SIL1: variants seen among roughly 807,000 people sequenced by gnomAD.
SIL1 encodes the protein SIL1 nucleotide exchange factor, also known as nucleotide exchange factor SIL1.
A neutral mutation model predicts 49.1 loss-of-function variants in SIL1; 40 were observed. The observed-to-expected ratio is 0.81, with a 90% confidence interval of 0.63 to 1.06. SIL1 has a LOEUF of 1.06. Ranked by LOEUF, SIL1 falls within the 50% of genes least tolerant of loss-of-function variation. The pLI, the probability that SIL1 is intolerant of heterozygous loss-of-function variation, is 0.00. For missense variants in SIL1, 500 were observed against 572.6 expected (o/e 0.87, Z 1.29); for synonymous variants, 253 against 250.8 (o/e 1.01, Z -0.08).
At chr5:139,096,288 T>C (rs1770464905) in intron 3 of SIL1, among the ~76,000 whole-genome samples, 1 of 152,190 alleles carries the variant, frequency 6.6e-6, no homozygotes, top group South Asian at 2.1e-4. Flanking sequence ...AGTTTAAACC[T>C]GAGTTCCCAC....
rs1451727500 is a variant in SIL1 at position 139,143,344 on chromosome 5, C to CACATAT, written c.-10-15492_-10-15491insATATGT. 1.1e-4 allele frequency among the ~76,000 whole-genome samples: 11 copies of CACATAT among 97,506 alleles called. 1 individual carries two copies. The highest frequency in any genetic ancestry group is 4.4e-4 in the African/African-American group (8 of 18,330). 64.0% of individuals were successfully genotyped at this position (97,506 alleles called of 152,430 possible). A position where few individuals can be genotyped will look rare whatever the true frequency, so the allele number is the denominator to read the frequency against. ...ACACACACACACACACACACACACA[C>CACATAT]ATATATATATATATATATATATGGT... On this transcript the variant is annotated intron_variant, in intron 1 of 9. Transcript: ENST00000394817.
intron 7 of SIL1, among the ~76,000 whole-genome samples, chr5:138,954,606 G>A (rs1241105390): frequency 1.3e-5 from 2 of 152,248 alleles, no homozygotes; most frequent in Non-Finnish European, 2.9e-5. Flanking sequence ...CATCCAGGCA[G>A]GGCCAGTAGA....
chr5:139,113,330 T>A (rs371253763), intron 3 of SIL1, among the ~76,000 whole-genome samples: 3,630 of 112,158 alleles, frequency 0.032, 108 homozygotes, highest in African/African-American at 0.11. Flanking sequence ...TAAATAAATT[T>A]AAAAAAAAAA....
At chr5:139,060,579 A>G (rs1226702076) in intron 3 of SIL1, among the ~76,000 whole-genome samples, 1 of 151,292 alleles carries the variant, frequency 6.6e-6, no homozygotes, top group African/African-American at 2.4e-5. Context: ...CCTAGAAACC[A>G]CCTCTCCATT....
chr5:139,054,572 A>G (rs964291657), intron 3 of SIL1, among the ~76,000 whole-genome samples: 1 of 152,186 alleles, frequency 6.6e-6, no homozygotes, highest in African/African-American at 2.4e-5. Flanking sequence ...TTTAGTAATA[A>G]TGGTACTAAT....
At chr5:139,111,799 A>G (rs962716406) in intron 3 of SIL1, among the ~76,000 whole-genome samples, 5 of 152,022 alleles carry the variant, frequency 3.3e-5, no homozygotes, top group Admixed American at 3.3e-4. Flanking sequence ...TCTATGACAG[A>G]CTAATCTGTT....
rs544742386 is a variant in SIL1 at position 139,169,880 on chromosome 5, C to G, written c.-11+28389G>C. 3.2e-3 allele frequency among the ~76,000 whole-genome samples: 493 copies of G among 152,172 alleles called. 2 individuals are homozygous for G. Among genetic ancestry groups the G allele is most frequent in the African/African-American group, 0.011 (464 of 41,494 alleles). ...CCCTCTCCCTCTTTCCACGGTCTCC[C>G]TCTCCCTCTCTCTCCACAGTCTCCC... On this transcript the variant is annotated intron_variant, in intron 1 of 9. Coordinates refer to ENST00000394817, the MANE Select transcript of SIL1 (RefSeq NM_022464.5).
intron 1 of SIL1, among the ~76,000 whole-genome samples, chr5:139,164,963 C>T (rs1422236249): frequency 6.6e-6 from 1 of 152,188 alleles, no homozygotes; most frequent in African/African-American, 2.4e-5. Context: ...TGTTTCTCTG[C>T]CATATCTTGA....
At chr5:139,122,574 G>GA (rs976321835) in intron 2 of SIL1, among the ~76,000 whole-genome samples, 2 of 151,352 alleles carry the variant, frequency 1.3e-5, no homozygotes, top group Non-Finnish European at 1.5e-5. Context: ...CAGCCTGTGT[G>GA]ACAGAGCAAG....
intron 1 of SIL1, among the ~76,000 whole-genome samples, chr5:139,140,397 A>T (rs1751057341): frequency 6.6e-6 from 1 of 152,234 alleles, no homozygotes; most frequent in Non-Finnish European, 1.5e-5. Flanking sequence ...TAGCAACAAT[A>T]CGAGGATGGG....
At chr5:139,112,783 C>G (rs1235467318) in intron 3 of SIL1, among the ~76,000 whole-genome samples, 1 of 152,142 alleles carries the variant, frequency 6.6e-6, no homozygotes, top group Non-Finnish European at 1.5e-5. Flanking sequence ...CGGCCACCAC[C>G]CCGTCTGGGA....
chr5:139,048,551 T>C (rs1204973518), intron 4 of SIL1, among the ~76,000 whole-genome samples: 1 of 151,944 alleles, frequency 6.6e-6, no homozygotes, highest in Non-Finnish European at 1.5e-5. Context: ...AATTTTTATA[T>C]GTTTTGCAGA....
At chr5:139,149,913 CTG>C (rs1751265028) in intron 1 of SIL1, among the ~76,000 whole-genome samples, 1 of 152,136 alleles carries the variant, frequency 6.6e-6, no homozygotes, top group Non-Finnish European at 1.5e-5. Context: ...GCTCACTGCA[CTG>C]TCTTAGCAAA....
intron 1 of SIL1, among the ~76,000 whole-genome samples, chr5:139,180,129 C>T (rs1300249771): frequency 6.7e-6 from 1 of 150,344 alleles, no homozygotes; most frequent in Non-Finnish European, 1.5e-5. Context: ...TTTGGGAGAC[C>T]GAGGTGGGTG....
At chr5:139,140,088 G>A (rs1049802615) in intron 1 of SIL1, among the ~76,000 whole-genome samples, 9 of 152,204 alleles carry the variant, frequency 5.9e-5, no homozygotes, top group African/African-American at 1.7e-4. Flanking sequence ...TGGCCAACAC[G>A]GTGAAACCCC....
At chr5:139,089,512 TATAA>T (rs1031425881) in intron 3 of SIL1, among the ~76,000 whole-genome samples, 12 of 147,186 alleles carry the variant, frequency 8.2e-5, no homozygotes, top group Non-Finnish European at 1.5e-4. Context: ...CATCAGCATT[TATAA>T]ATAGTTTCTT....
At chr5:138,974,223 G>T (rs942810684) in intron 7 of SIL1, among the ~76,000 whole-genome samples, 2 of 152,200 alleles carry the variant, frequency 1.3e-5, no homozygotes, top group Non-Finnish European at 2.9e-5. Context: ...CAGGGAGAGG[G>T]AAGGCAGCCT....
rs111262698 is a variant in SIL1, at chr5:139,037,072, C to A, written c.453+5548G>T. 1.3e-3 allele frequency among the ~76,000 whole-genome samples: 203 copies of A among 150,912 alleles called. 3 individuals carry two copies. The highest frequency in any genetic ancestry group is 4.9e-3 in the African/African-American group (197 of 40,262). ...TTTCCTCTCTCTAAAAGTGTCTTGA[C>A]TTCCCTTTCACTCCTGAAATATATT... On this transcript the variant is annotated intron_variant, in intron 5 of 9. Coordinates refer to ENST00000394817, the MANE Select transcript of SIL1 (RefSeq NM_022464.5).
chr5:139,179,454 C>T (rs1751943005), intron 1 of SIL1, among the ~76,000 whole-genome samples: 1 of 152,158 alleles, frequency 6.6e-6, no homozygotes, highest in African/African-American at 2.4e-5. Flanking sequence ...CAGATTGTGG[C>T]TCAGAAAAGC....
Sources: allele counts gnomAD v4.1 joint callset (sites outside exome capture counted in the v4.1 genomes callset), GRCh38; gene constraint gnomAD v4.1.1; transcripts MANE v1.5; gene names NCBI Gene and HGNC (gene_info 2026-07-23, HGNC 2026-07-21).